MAGEC3: variants seen among roughly 807,000 people sequenced by gnomAD.
MAGEC3 encodes melanoma-associated antigen C3.
MAGEC3 carries 34 observed loss-of-function variants against 35.3 expected under a neutral mutation model. The observed-to-expected ratio is 0.96, with a 90% CI of 0.73 to 1.28. The LOEUF (loss-of-function observed/expected upper bound fraction) is 1.28, where lower values mean the gene tolerates loss of function less well. MAGEC3 is among the 50% of genes most tolerant of loss of function. MAGEC3 has a pLI of 0.00. For missense variants in MAGEC3, 561 were observed against 483.6 expected, an observed-to-expected ratio of 1.16 and a Z score of -1.50; for synonymous variants, 202 against 185.6, an observed-to-expected ratio of 1.09 and a Z score of -0.72.
chrX:141,852,121 A>T (rs2017754318), intron 1 of MAGEC3, among the ~76,000 whole-genome samples: 1 of 104,668 alleles, frequency 9.6e-6, no homozygotes. Context: ...TTTTCAAATC[A>T]CTATTATAGT....
intron 1 of MAGEC3, among the ~76,000 whole-genome samples, chrX:141,861,688 C>T (rs770657891): frequency 2.7e-5 from 3 of 111,833 alleles, no homozygotes; most frequent in African/African-American, 9.7e-5. Flanking sequence ...AGGGCAGCCT[C>T]TTCAGTAATG....
intron 4 of MAGEC3, among the ~76,000 whole-genome samples, chrX:141,893,174 G>A (rs150134936): frequency 6.4e-4 from 71 of 111,766 alleles, no homozygotes; most frequent in African/African-American, 2.2e-3. Flanking sequence ...AATGGCTGAC[G>A]TCCAAAACAC....
At chrX:141,861,867 G>T (rs1231204347) in intron 1 of MAGEC3, among the ~76,000 whole-genome samples, 1 of 111,787 alleles carries the variant, frequency 8.9e-6, no homozygotes, top group Non-Finnish European at 1.9e-5. Context: ...CAGAACATTG[G>T]TCCAGGCAAA....
At chrX:141,848,228 C>A (rs1388782129) in intron 1 of MAGEC3, among the ~76,000 whole-genome samples, 1 of 109,144 alleles carries the variant, frequency 9.2e-6, no homozygotes, top group East Asian at 2.9e-4. Context: ...GACAAGGATA[C>A]CCACTCTCAC....
At chrX:141,843,566 A>G (rs887249291) in intron 1 of MAGEC3, among the ~76,000 whole-genome samples, 4 of 111,041 alleles carry the variant, frequency 3.6e-5, no homozygotes, top group African/African-American at 9.8e-5. Context: ...CAAACTATAT[A>G]TCACCCCATG....
chrX:141,851,120 G>T (rs1406555210), intron 1 of MAGEC3, among the ~76,000 whole-genome samples: 1 of 110,725 alleles, frequency 9.0e-6, no homozygotes, highest in Non-Finnish European at 1.9e-5. Flanking sequence ...GTTTGTTTTG[G>T]TTCCAATCCA....
In MAGEC3 at chrX:141,897,209, C is replaced by T. The variant is rs1453607034; in HGVS notation, c.1451C>T (p.Thr484Met). 4.1e-6 allele frequency: 5 copies of T among 1,210,325 alleles called. No homozygotes were observed. Among genetic ancestry groups the T allele is most frequent in the Admixed American group, 4.4e-5 (2 of 45,863 alleles). The change falls in exon 7 of 8, where the codon ACG (threonine) becomes ATG (methionine). Residue 484 changes from threonine (T) to methionine (M), a missense_variant. Thr to Met is a moderately conservative substitution (Grantham distance 81, BLOSUM62 -1). Transcript: ENST00000298296. ...KEPVTKAEML[T>M]TVIKKYKDYF... The stretch of plus-strand genomic sequence containing the variant: ...CCTGTCACAAAGGCAGAGATGCTGA[C>T]GACTGTCATCAAGAAGTATAAGGAC...
chrX:141,874,461 A>C (rs1251006950), intron 2 of MAGEC3, among the ~76,000 whole-genome samples: 1 of 112,195 alleles, frequency 8.9e-6, no homozygotes, highest in Non-Finnish European at 1.9e-5. Context: ...ATCTGACTGA[A>C]GATGTGTATC....
At position 141,895,391 on chromosome X, in the gene MAGEC3, C is replaced by A. The variant is rs749011306; in HGVS notation, c.1032C>A (p.Asp344Glu). Reference sequence around the variant, plus strand: ...GGTCAGCAGAGGGAAGCGTCTTAGACCTGGCCAATCCTCAAGGTAAGGGCC... The same window carrying A: ...GGTCAGCAGAGGGAAGCGTCTTAGAACTGGCCAATCCTCAAGGTAAGGGCC... ...GLRSAEGSVL[D>E]LANPQGLAGH... Residue 344 changes from aspartate (D) to glutamate (E), a missense_variant, in exon 5 of 8, where the codon GAC (aspartate) becomes GAA (glutamate). Physicochemically the swap from Asp to Glu is conservative, Grantham distance 45 (BLOSUM62 2). Coordinates refer to ENST00000298296, the MANE Select transcript of MAGEC3 (RefSeq NM_138702.1). 1.7e-6 allele frequency: 2 copies of A among 1,210,671 alleles called. No homozygotes were observed. The highest frequency in any genetic ancestry group is 2.2e-5 in the Admixed American group (1 of 45,923).
chrX:141,859,372 CTAA>C (rs1372481140), intron 1 of MAGEC3, among the ~76,000 whole-genome samples: 1 of 111,395 alleles, frequency 9.0e-6, no homozygotes, highest in Non-Finnish European at 1.9e-5. Flanking sequence ...TCCCTGACTA[CTAA>C]TGAGTCTGAA....
intron 1 of MAGEC3, among the ~76,000 whole-genome samples, chrX:141,848,045 T>C (rs528221864): frequency 9.1e-6 from 1 of 110,291 alleles, no homozygotes; most frequent in East Asian, 2.9e-4. Context: ...AGGGTATGCA[T>C]GTGTGTATGT....
At position 141,838,412 on chromosome X, in the gene MAGEC3, C is replaced by G. The variant is rs753669253; in HGVS notation, c.97C>G (p.Pro33Ala). The G allele has an allele frequency of 1.7e-6, 2 of 1,208,779 alleles. No homozygotes were observed. Among genetic ancestry groups the G allele is most frequent in the African/African-American group, 3.5e-5 (2 of 57,156 alleles). ...KNTCATYALSPVVLPPQPQPR... is the reference protein window; with the variant it reads ...KNTCATYALSAVVLPPQPQPR... ...CACATGTGCCACATATGCCTTATCC[C>G]CAGTGGTGCTCCCACCTCAGCCCCA... The change falls in exon 1 of 8, where the codon CCA (proline) becomes GCA (alanine). Residue 33 changes from proline to alanine, a missense_variant. Coordinates refer to ENST00000298296, the MANE Select transcript of MAGEC3 (RefSeq NM_138702.1).
intron 2 of MAGEC3, among the ~76,000 whole-genome samples, chrX:141,869,576 C>T (rs1234625119): frequency 8.9e-6 from 1 of 112,115 alleles, no homozygotes; most frequent in African/African-American, 3.2e-5. Flanking sequence ...TATTTATAAA[C>T]ATTTTAGCTG....
chrX:141,840,616 G>C (rs1159142745), intron 1 of MAGEC3, among the ~76,000 whole-genome samples: 1 of 111,286 alleles, frequency 9.0e-6, no homozygotes, highest in Non-Finnish European at 1.9e-5. Context: ...CTCTAAATGG[G>C]AGAGAGTGCC....
At chrX:141,888,439 G>A (rs2018018034) in intron 4 of MAGEC3, among the ~76,000 whole-genome samples, 1 of 112,366 alleles carries the variant, frequency 8.9e-6, no homozygotes, top group South Asian at 3.7e-4. Flanking sequence ...TGGAAGGTCA[G>A]GGACTTGGAA....
At chrX:141,859,014 A>G (rs2041410723) in intron 1 of MAGEC3, among the ~76,000 whole-genome samples, 1 of 109,912 alleles carries the variant, frequency 9.1e-6, no homozygotes, top group Non-Finnish European at 1.9e-5. Flanking sequence ...AATATTCCAT[A>G]GTATGGTATA....
At chrX:141,878,967 C>T (rs2017938415) in intron 2 of MAGEC3, among the ~76,000 whole-genome samples, 1 of 112,347 alleles carries the variant, frequency 8.9e-6, no homozygotes, top group Non-Finnish European at 1.9e-5. Context: ...GGAGGCCCCA[C>T]CCCACTGTGG....
intron 2 of MAGEC3, among the ~76,000 whole-genome samples, chrX:141,871,139 T>C (rs6636502): frequency 0.061 from 6,837 of 111,640 alleles, 269 homozygotes; most frequent in East Asian, 0.32. Flanking sequence ...AACACATATA[T>C]AACCACACGG....
chrX:141,858,278 T>A (rs192300555), intron 1 of MAGEC3, among the ~76,000 whole-genome samples: 1 of 111,082 alleles, frequency 9.0e-6, no homozygotes, highest in African/African-American at 3.3e-5. Flanking sequence ...CTGATGCTTC[T>A]TCAGCAAAGG....
Sources: gnomAD v4.1 joint callset for allele counts (sites outside exome capture counted in the v4.1 genomes callset) on GRCh38, gnomAD v4.1.1 for gene constraint, MANE v1.5 for transcripts, NCBI Gene and HGNC (gene_info 2026-07-23, HGNC 2026-07-21) for gene names.